ROBO1: variants seen among roughly 807,000 people sequenced by gnomAD.
The protein encoded by ROBO1 is roundabout guidance receptor 1.
Under a neutral mutation model 195.9 loss-of-function variants are expected in ROBO1, and 149 were observed. The ratio of observed to expected loss-of-function variants is 0.76; its 90% CI spans 0.67 to 0.87. ROBO1 has a LOEUF of 0.87. ROBO1 is among the 40% of genes least tolerant of loss of function. The probability of loss-of-function intolerance (pLI) is 0.00; values close to 1 mark genes in which losing one functional copy is unlikely to be tolerated. For missense variants in ROBO1, 1,933 were observed against 2,068.3 expected, an observed-to-expected ratio of 0.93 and a Z score of 1.27; for synonymous variants, 816 against 733.2, an observed-to-expected ratio of 1.11 and a Z score of -1.82.
intron 3 of ROBO1, among the ~76,000 whole-genome samples, chr3:79,032,893 T>G (rs1384421855): frequency 1.3e-5 from 2 of 152,082 alleles, no homozygotes; most frequent in Non-Finnish European, 2.9e-5. Flanking sequence ...TAGTACACAA[T>G]GCTCTATTGC....
At chr3:79,305,408 AC>A (rs1447720547) in intron 2 of ROBO1, among the ~76,000 whole-genome samples, 1 of 150,046 alleles carries the variant, frequency 6.7e-6, no homozygotes, top group African/African-American at 2.5e-5. Context: ...AATCACTTGA[AC>A]CTGGGAGGCG....
At chr3:79,202,035 A>G (rs555893375) in intron 2 of ROBO1, among the ~76,000 whole-genome samples, 3 of 151,836 alleles carry the variant, frequency 2.0e-5, no homozygotes, top group Admixed American at 6.6e-5. Context: ...TTCAGGTTTC[A>G]TTGTAGACGT....
chr3:79,674,131 C>A lies in ROBO1; in HGVS notation c.-50-84170G>T, dbSNP rs80277736. Among the ~76,000 whole-genome samples the A allele has an allele frequency of 5.7e-3, 874 of 152,090 alleles. 7 individuals are homozygous for A. Among genetic ancestry groups the A allele is most frequent in the African/African-American group, 0.018 (758 of 41,536 alleles). ...AACAATAAGCAAGTAGCCAAAGTTT[C>A]TGTTATAGTCTACTATTATACTATG... On this transcript the variant is annotated intron_variant, in intron 1 of 30. Transcript: ENST00000464233.
chr3:79,417,080 A>C (rs2038035079), intron 2 of ROBO1, among the ~76,000 whole-genome samples: 1 of 152,136 alleles, frequency 6.6e-6, no homozygotes, highest in Non-Finnish European at 1.5e-5. Context: ...TATTTCCACA[A>C]ATATGTTGGT....
intron 2 of ROBO1, among the ~76,000 whole-genome samples, chr3:79,354,055 A>G (rs1322864984): frequency 6.6e-6 from 1 of 152,108 alleles, no homozygotes; most frequent in Non-Finnish European, 1.5e-5. Flanking sequence ...ACAAAAAAAA[A>G]AAAAGTTATT....
intron 22 of ROBO1, among the ~76,000 whole-genome samples, chr3:78,638,183 G>GTA (rs1002466274): frequency 2.8e-5 from 4 of 143,368 alleles, no homozygotes; most frequent in East Asian, 2.0e-4. Context: ...GTGTGTGTGT[G>GTA]TATATATATG....
intron 4 of ROBO1, among the ~76,000 whole-genome samples, chr3:78,782,896 A>C (rs530721735): frequency 6.6e-6 from 1 of 152,288 alleles, no homozygotes; most frequent in South Asian, 2.1e-4. Context: ...AACTAAGTAT[A>C]AAAGAGTGGT....
intron 5 of ROBO1, among the ~76,000 whole-genome samples, chr3:78,736,971 G>A (rs569987945): frequency 2.6e-5 from 4 of 152,208 alleles, no homozygotes; most frequent in Admixed American, 6.5e-5. Context: ...AGGATAATAC[G>A]TAACTAGAAC....
intron 3 of ROBO1, chr3:79,019,479 A>G (rs1487057123): frequency 3.5e-5 from 35 of 986,258 alleles, no homozygotes; most frequent in African/African-American, 1.0e-4. Context: ...TTTCCCCCAC[A>G]GTCCCCGCGG....
intron 2 of ROBO1, among the ~76,000 whole-genome samples, chr3:79,467,055 C>G (rs1938000496): frequency 6.6e-6 from 1 of 152,086 alleles, no homozygotes; most frequent in Non-Finnish European, 1.5e-5. Flanking sequence ...ACACGTGGCA[C>G]TAGTGGGAAA....
At chr3:78,731,058 T>C (rs769177851) in intron 5 of ROBO1, among the ~76,000 whole-genome samples, 1 of 152,144 alleles carries the variant, frequency 6.6e-6, no homozygotes, top group Non-Finnish European at 1.5e-5. Context: ...ACCATTTCTA[T>C]TTCTATAGTT....
chr3:78,666,727 A>G (rs1707758227), intron 14 of ROBO1, among the ~76,000 whole-genome samples: 1 of 152,166 alleles, frequency 6.6e-6, no homozygotes, highest in African/African-American at 2.4e-5. Flanking sequence ...AAATTCTGAA[A>G]CAAAAAGTGC....
intron 2 of ROBO1, among the ~76,000 whole-genome samples, chr3:79,330,750 A>G (rs1393171558): frequency 6.6e-6 from 1 of 151,666 alleles, no homozygotes; most frequent in East Asian, 1.9e-4. Flanking sequence ...AAATATAATG[A>G]CAGTCATTGG....
chr3:79,547,141 T>A (rs573575275), intron 2 of ROBO1, among the ~76,000 whole-genome samples: 1 of 120,218 alleles, frequency 8.3e-6, no homozygotes, highest in Non-Finnish European at 1.6e-5. Context: ...GCCGAGATCG[T>A]GCCACTGCAC....
At chr3:79,631,289 C>T (rs1945332994) in intron 1 of ROBO1, among the ~76,000 whole-genome samples, 2 of 151,834 alleles carry the variant, frequency 1.3e-5, no homozygotes, top group Admixed American at 1.3e-4. Flanking sequence ...ATTATGGACA[C>T]ATAGATCAAT....
At chr3:79,753,626 T>C (rs1559557031) in intron 1 of ROBO1, among the ~76,000 whole-genome samples, 1 of 151,984 alleles carries the variant, frequency 6.6e-6, no homozygotes, top group South Asian at 2.1e-4. Context: ...CATTTTGTTC[T>C]CCTTTACATA....
chr3:79,763,674 G>A (rs925232946), intron 1 of ROBO1, among the ~76,000 whole-genome samples: 1 of 152,120 alleles, frequency 6.6e-6, no homozygotes, highest in African/African-American at 2.4e-5. Context: ...AAGCCCCTCA[G>A]TTTTCCCCAA....
intron 2 of ROBO1, among the ~76,000 whole-genome samples, chr3:79,341,926 G>A (rs1350739267): frequency 6.6e-6 from 1 of 152,138 alleles, no homozygotes; most frequent in Non-Finnish European, 1.5e-5. Context: ...CAATGAGTAA[G>A]TGGAAAATTT....
chr3:79,157,106 C>T (rs2080872174), intron 2 of ROBO1, among the ~76,000 whole-genome samples: 1 of 151,520 alleles, frequency 6.6e-6, no homozygotes, highest in Admixed American at 6.6e-5. Flanking sequence ...TGTGTTCTCT[C>T]TCTGTCTCTC....
Sources: gnomAD v4.1 joint callset for allele counts (sites outside exome capture counted in the v4.1 genomes callset) on GRCh38, gnomAD v4.1.1 for gene constraint, MANE v1.5 for transcripts, NCBI Gene and HGNC (gene_info 2026-07-23, HGNC 2026-07-21) for gene names.